Variants in MAGI2 observed in about 807,000 individuals in gnomAD.
The protein encoded by MAGI2 is membrane-associated guanylate kinase, WW and PDZ domain-containing protein 2.
In MAGI2, 35 loss-of-function variants were observed where a neutral mutation model predicts 133.3. The ratio of observed to expected loss-of-function variants is 0.26; its 90% CI spans 0.20 to 0.35. The LOEUF (loss-of-function observed/expected upper bound fraction) is 0.35, where lower values mean the gene tolerates loss of function less well. Among genes scored for constraint, MAGI2 ranks in the 10% least tolerant of loss-of-function variants. The pLI, the probability that MAGI2 is intolerant of heterozygous loss-of-function variation, is 1.00. For missense variants in MAGI2, 1,636 were observed against 1,863.4 expected, an observed-to-expected ratio of 0.88 and a Z score of 2.25; for synonymous variants, 729 against 710.6, an observed-to-expected ratio of 1.03 and a Z score of -0.41.
intron 6 of MAGI2, chr7:78,484,301 T>C (rs1415819040): frequency 1.3e-5 from 2 of 152,000 alleles, no homozygotes; most frequent in Non-Finnish European, 2.9e-5. Flanking sequence ...GCTGTCTTTG[T>C]TCATGCACAT....
At chr7:78,208,560 A>T (rs561605138) in intron 10 of MAGI2, among the ~76,000 whole-genome samples, 44 of 152,308 alleles carry the variant, frequency 2.9e-4, no homozygotes, top group African/African-American at 9.4e-4. Flanking sequence ...GATAAGGGGA[A>T]TAAAGAGAGA....
intron 1 of MAGI2, among the ~76,000 whole-genome samples, chr7:79,150,067 GTGGCAGAAAGA>G (rs1332710235): frequency 6.6e-6 from 1 of 152,112 alleles, no homozygotes; most frequent in Non-Finnish European, 1.5e-5. Context: ...ACATGTTTGT[GTGGCAGAAAGA>G]TGGCATGAAA....
intron 1 of MAGI2, among the ~76,000 whole-genome samples, chr7:79,099,010 G>A (rs982426745): frequency 6.6e-6 from 1 of 151,980 alleles, no homozygotes; most frequent in Non-Finnish European, 1.5e-5. Context: ...CTTTACTTTT[G>A]AGCCTCCAGA....
At chr7:78,577,804 G>A (rs1421433517) in intron 3 of MAGI2, among the ~76,000 whole-genome samples, 1 of 152,094 alleles carries the variant, frequency 6.6e-6, no homozygotes, top group Non-Finnish European at 1.5e-5. Flanking sequence ...ATCAGTTAAG[G>A]CAGAAACTGG....
At chr7:78,048,969 G>T (rs549230544) in intron 21 of MAGI2, among the ~76,000 whole-genome samples, 13 of 151,794 alleles carry the variant, frequency 8.6e-5, no homozygotes, top group Non-Finnish European at 1.8e-4. Flanking sequence ...TTAGCCGGGC[G>T]TGGTGGCGTG....
At chr7:78,741,095 T>A (rs142076488) in intron 2 of MAGI2, among the ~76,000 whole-genome samples, 197 of 152,166 alleles carry the variant, frequency 1.3e-3, no homozygotes, top group Non-Finnish European at 2.4e-3. Context: ...TTTAACTTGA[T>A]TGGGGAGATT....
intron 6 of MAGI2, among the ~76,000 whole-genome samples, chr7:78,419,154 C>T (rs1798564724): frequency 6.6e-6 from 1 of 152,062 alleles, no homozygotes; most frequent in South Asian, 2.1e-4. Flanking sequence ...TGTCTTGGCC[C>T]CTCATCTAAT....
chr7:78,045,658 T>C (rs1293921458), intron 21 of MAGI2, among the ~76,000 whole-genome samples: 1 of 152,200 alleles, frequency 6.6e-6, no homozygotes, highest in African/African-American at 2.4e-5. Context: ...GTTATGTTTA[T>C]ATGTGAGACA....
chr7:78,246,037 G>A lies in MAGI2; in HGVS notation c.2047+9906C>T, dbSNP rs144384735. Among the ~76,000 whole-genome samples, 338 of 152,244 alleles carry A rather than the reference G, an allele frequency of 2.2e-3. 1 individual carries two copies. Among genetic ancestry groups the A allele is most frequent in the African/African-American group, 7.7e-3 (321 of 41,538 alleles). ...GCTGCTACCATACCCTACCCTGTGAGGCCAAGCTGCTGTAGAGCTGCTCTA... is the reference window on the plus strand; with the variant it reads ...GCTGCTACCATACCCTACCCTGTGAAGCCAAGCTGCTGTAGAGCTGCTCTA... On this transcript the variant is annotated intron_variant, in intron 10 of 21. Transcript: ENST00000354212.
intron 1 of MAGI2, among the ~76,000 whole-genome samples, chr7:79,239,677 C>T (rs1832232657): frequency 6.6e-6 from 1 of 152,136 alleles, no homozygotes; most frequent in South Asian, 2.1e-4. Flanking sequence ...CATAAACAAT[C>T]TCACAGAATA....
intron 1 of MAGI2, among the ~76,000 whole-genome samples, chr7:79,015,541 A>G (rs1311109095): frequency 6.6e-6 from 1 of 152,182 alleles, no homozygotes; most frequent in Non-Finnish European, 1.5e-5. Flanking sequence ...ATCTCATTCC[A>G]AACAACAGAC....
chr7:79,080,841 C>A (rs933143491), intron 1 of MAGI2, among the ~76,000 whole-genome samples: 4 of 152,124 alleles, frequency 2.6e-5, no homozygotes, highest in African/African-American at 9.6e-5. Flanking sequence ...CTGGTCCACG[C>A]TGTGTCATCT....
chr7:79,027,791 T>C (rs1810047427), intron 1 of MAGI2, among the ~76,000 whole-genome samples: 1 of 152,136 alleles, frequency 6.6e-6, no homozygotes, highest in African/African-American at 2.4e-5. Flanking sequence ...TATAAATGTA[T>C]AGAATTATAA....
At chr7:78,227,850 T>TTTGTGTGTGTG (rs10630131) in intron 10 of MAGI2, among the ~76,000 whole-genome samples, 157 of 145,648 alleles carry the variant, frequency 1.1e-3, no homozygotes, top group Middle Eastern at 3.5e-3. Context: ...TCTTACTCAG[T>TTTGTGTGTGTG]TGTGTGTGTG....
At chr7:78,295,048 A>G (rs926969591) in intron 9 of MAGI2, among the ~76,000 whole-genome samples, 2 of 152,188 alleles carry the variant, frequency 1.3e-5, no homozygotes, top group Non-Finnish European at 2.9e-5. Flanking sequence ...TAATGGCAAA[A>G]TAATGAGCCT....
intron 1 of MAGI2, among the ~76,000 whole-genome samples, chr7:79,224,246 G>A (rs1341181379): frequency 2.6e-5 from 4 of 151,996 alleles, no homozygotes; most frequent in African/African-American, 9.7e-5. Flanking sequence ...TGAAATGAAA[G>A]TATGCCATAT....
intron 2 of MAGI2, among the ~76,000 whole-genome samples, chr7:78,738,450 A>G (rs2054207162): frequency 6.6e-6 from 1 of 152,148 alleles, no homozygotes; most frequent in Non-Finnish European, 1.5e-5. Context: ...TTGACTTCCT[A>G]AACAAGTCAC....
intron 2 of MAGI2, among the ~76,000 whole-genome samples, chr7:78,899,283 G>A (rs1797432210): frequency 6.6e-6 from 1 of 152,160 alleles, no homozygotes; most frequent in African/African-American, 2.4e-5. Flanking sequence ...GAGAGTTGAG[G>A]AAGAACAAGT....
chr7:78,080,471 T>C (rs571904082), intron 20 of MAGI2, among the ~76,000 whole-genome samples: 1 of 152,322 alleles, frequency 6.6e-6, no homozygotes, highest in African/African-American at 2.4e-5. Flanking sequence ...ACTTGAATAG[T>C]TTGCCAGAGG....
Sources: allele counts gnomAD v4.1 joint callset (sites outside exome capture counted in the v4.1 genomes callset), GRCh38; gene constraint gnomAD v4.1.1; transcripts MANE v1.5; gene names NCBI Gene and HGNC (gene_info 2026-07-23, HGNC 2026-07-21).